CCSER1: variants seen among roughly 807,000 people sequenced by gnomAD.
CCSER1 encodes the protein coiled-coil serine rich protein 1.
Under a neutral mutation model 82.0 loss-of-function variants are expected in CCSER1, and 41 were observed. The ratio of observed to expected loss-of-function variants is 0.50; its 90% CI spans 0.39 to 0.65. The LOEUF (loss-of-function observed/expected upper bound fraction) is 0.65. CCSER1 is among the 30% of genes least tolerant of loss of function. The pLI is 0.00. For synonymous variants in CCSER1, 414 were observed against 383.9 expected (o/e 1.08, Z -0.92); for missense variants, 1,119 against 1,064.2 (o/e 1.05, Z -0.72).
intron 5 of CCSER1, among the ~76,000 whole-genome samples, chr4:90,622,003 G>T (rs1186066680): frequency 2.0e-5 from 3 of 152,188 alleles, no homozygotes; most frequent in Non-Finnish European, 4.4e-5. Flanking sequence ...GCACCTGGAA[G>T]TTCATCTGGC....
intron 10 of CCSER1, among the ~76,000 whole-genome samples, chr4:91,219,491 T>A (rs1374047464): frequency 6.6e-6 from 1 of 152,028 alleles, no homozygotes; most frequent in African/African-American, 2.4e-5. Context: ...TTTGTAGAGA[T>A]GGGGTTTCAC....
At chr4:90,481,537 A>C (rs548436212) in intron 5 of CCSER1, among the ~76,000 whole-genome samples, 1 of 152,298 alleles carries the variant, frequency 6.6e-6, no homozygotes, top group South Asian at 2.1e-4. Flanking sequence ...ATTTTGAGAT[A>C]TGTCCCATCA....
intron 6 of CCSER1, among the ~76,000 whole-genome samples, chr4:90,664,627 A>G (rs1579808665): frequency 6.6e-6 from 1 of 152,176 alleles, no homozygotes. Flanking sequence ...TTGGCCAGGC[A>G]CGGTAGCTCA....
chr4:91,046,610 C>A (rs977629013), intron 9 of CCSER1, among the ~76,000 whole-genome samples: 1 of 152,282 alleles, frequency 6.6e-6, no homozygotes, highest in South Asian at 2.1e-4. Flanking sequence ...TGAACCAGAT[C>A]TCTTTCATAT....
chr4:91,324,210 C>G (rs1166836749), intron 10 of CCSER1, among the ~76,000 whole-genome samples: 1 of 152,080 alleles, frequency 6.6e-6, no homozygotes, highest in Non-Finnish European at 1.5e-5. Flanking sequence ...TTGCATTTAA[C>G]TGTTCTATCT....
chr4:90,424,226 A>G (rs577018793), intron 4 of CCSER1, among the ~76,000 whole-genome samples: 214 of 152,194 alleles, frequency 1.4e-3, no homozygotes, highest in Non-Finnish European at 2.3e-3. Context: ...TCTTGCAAGT[A>G]ATGCTGTCTT....
chr4:91,167,248 G>A (rs376147636), intron 10 of CCSER1, among the ~76,000 whole-genome samples: 49 of 146,088 alleles, frequency 3.4e-4, no homozygotes, highest in East Asian at 2.8e-3. Context: ...GTGCATTGGC[G>A]CGATCTCGGC....
intron 10 of CCSER1, among the ~76,000 whole-genome samples, chr4:91,557,902 G>A (rs1762477366): frequency 6.6e-6 from 1 of 151,226 alleles, no homozygotes; most frequent in South Asian, 2.1e-4. Flanking sequence ...TAAGCAAAAT[G>A]TAAGCATTTA....
chr4:90,577,291 T>G (rs1004871417), intron 5 of CCSER1, among the ~76,000 whole-genome samples: 2 of 152,104 alleles, frequency 1.3e-5, no homozygotes, highest in Admixed American at 1.3e-4. Context: ...TCTGAGAACT[T>G]GGTAGAGTTC....
At chr4:90,379,392 A>G (rs952915740) in intron 3 of CCSER1, among the ~76,000 whole-genome samples, 3 of 152,194 alleles carry the variant, frequency 2.0e-5, no homozygotes, top group Non-Finnish European at 2.9e-5. Context: ...AATGCCATCT[A>G]TAGGACATAG....
At chr4:90,196,518 G>A (rs1736643084) in intron 1 of CCSER1, among the ~76,000 whole-genome samples, 1 of 151,872 alleles carries the variant, frequency 6.6e-6, no homozygotes, top group Admixed American at 6.6e-5. Flanking sequence ...CTTTAATTTG[G>A]GCAAACTCTC....
chr4:91,406,865 T>A (rs970561356), intron 10 of CCSER1, among the ~76,000 whole-genome samples: 1 of 152,210 alleles, frequency 6.6e-6, no homozygotes, highest in Non-Finnish European at 1.5e-5. Flanking sequence ...TTCATAGTAT[T>A]GTTAGCCACA....
chr4:90,722,782 T>C (rs1742903268), intron 6 of CCSER1, among the ~76,000 whole-genome samples: 1 of 151,910 alleles, frequency 6.6e-6, no homozygotes, highest in South Asian at 2.1e-4. Context: ...GACTAGGGAG[T>C]CATAAGTAGT....
At chr4:90,791,421 C>T (rs558811031) in intron 7 of CCSER1, among the ~76,000 whole-genome samples, 1 of 152,130 alleles carries the variant, frequency 6.6e-6, no homozygotes, top group Non-Finnish European at 1.5e-5. Flanking sequence ...CCACAGCCAC[C>T]CCAGCCTTCA....
chr4:90,245,767 A>G (rs898704350), intron 1 of CCSER1, among the ~76,000 whole-genome samples: 1 of 152,190 alleles, frequency 6.6e-6, no homozygotes, highest in Non-Finnish European at 1.5e-5. Flanking sequence ...TTTGTGAAAC[A>G]AAGGGTGAAA....
chr4:91,501,949 A>G (rs1355749101), intron 10 of CCSER1, among the ~76,000 whole-genome samples: 2 of 152,218 alleles, frequency 1.3e-5, no homozygotes, highest in African/African-American at 4.8e-5. Flanking sequence ...TACACAGTTC[A>G]TCTTAGATTT....
At position 91,103,473 on chromosome 4, in the gene CCSER1, T is replaced by A. The variant is rs148430229; in HGVS notation, c.2217+17479T>A. Among the ~76,000 whole-genome samples, 773 of 152,338 alleles carry A rather than the reference T, an allele frequency of 5.1e-3. 9 individuals are homozygous for A. Among genetic ancestry groups the A allele is most frequent in the African/African-American group, 0.018 (733 of 41,574 alleles). On this transcript the variant is annotated intron_variant, in intron 10 of 10. Coordinates refer to ENST00000509176, the MANE Select transcript of CCSER1 (RefSeq NM_001145065.2). ...CCTAAGAAACATTGTGTTGTCAAAC[T>A]ATTATATAAACAATTGTCTCAATTA...
At chr4:91,029,900 C>T (rs996050995) in intron 9 of CCSER1, among the ~76,000 whole-genome samples, 10 of 152,028 alleles carry the variant, frequency 6.6e-5, no homozygotes, top group Admixed American at 2.6e-4. Flanking sequence ...ATTCACACTG[C>T]TAACAATGTA....
intron 4 of CCSER1, among the ~76,000 whole-genome samples, chr4:90,460,040 A>G (rs1480986942): frequency 6.6e-6 from 1 of 151,752 alleles, no homozygotes; most frequent in Non-Finnish European, 1.5e-5. Flanking sequence ...TTCAAAAACT[A>G]AGGCGGCCGG....
Sources: allele counts gnomAD v4.1 joint callset (sites outside exome capture counted in the v4.1 genomes callset), GRCh38; gene constraint gnomAD v4.1.1; transcripts MANE v1.5; gene names NCBI Gene and HGNC (gene_info 2026-07-23, HGNC 2026-07-21).